MDGA1: variants seen among roughly 807,000 people sequenced by gnomAD.
MDGA1 encodes MAM domain containing glycosylphosphatidylinositol anchor 1.
A neutral mutation model predicts 101.5 loss-of-function variants in MDGA1; 54 were observed. The observed-to-expected ratio is 0.53, with a 90% confidence interval of 0.43 to 0.67. The LOEUF (loss-of-function observed/expected upper bound fraction) is 0.67. Ranked by LOEUF, MDGA1 falls within the 30% of genes least tolerant of loss-of-function variation. MDGA1 has a pLI of 0.00. For synonymous variants in MDGA1, 533 were observed against 558.3 expected, an observed-to-expected ratio of 0.95 and a Z score of 0.64; for missense variants, 1,083 against 1,323.8, an observed-to-expected ratio of 0.82 and a Z score of 2.82.
chr6:37,671,000 T>C (rs190313058), intron 1 of MDGA1, among the ~76,000 whole-genome samples: 19 of 152,276 alleles, frequency 1.2e-4, no homozygotes, highest in Admixed American at 1.2e-3. Flanking sequence ...GACACCATAT[T>C]AGTGGATAGA....
chr6:37,657,663 C>G (rs1408385955), intron 3 of MDGA1, among the ~76,000 whole-genome samples: 5 of 152,204 alleles, frequency 3.3e-5, no homozygotes, highest in Non-Finnish European at 4.4e-5. Context: ...CCTGGGCCAA[C>G]AGTTTCTGGG....
Position 37,636,604 on chromosome 6 carries a change from G to C in MDGA1, c.*764C>G, listed in dbSNP as rs890248970. On this transcript the variant is annotated 3_prime_UTR_variant, in exon 17 of 17. Transcript: ENST00000434837. ...CAGGAGTCCCACTGCTTGTAGGGTG[G>C]AGTGGGGAAGTTATCAGTCTTCAGA... 4.6e-5 allele frequency: 7 copies of C among 152,564 alleles called. No homozygotes were observed. The highest frequency in any genetic ancestry group is 1.4e-4 in the African/African-American group (6 of 41,446). 9.5% of individuals were successfully genotyped at this position (152,564 alleles called of 1,614,324 possible).
At chr6:37,665,100 T>C (rs1581609743) in intron 1 of MDGA1, among the ~76,000 whole-genome samples, 1 of 152,122 alleles carries the variant, frequency 6.6e-6, no homozygotes, top group Non-Finnish European at 1.5e-5. Flanking sequence ...GGACCAAAGC[T>C]AGGCCCTGGC....
At chr6:37,695,858 G>A (rs1307666598) in intron 1 of MDGA1, among the ~76,000 whole-genome samples, 1 of 152,226 alleles carries the variant, frequency 6.6e-6, no homozygotes, top group South Asian at 2.1e-4. Context: ...TTGTGCTGTG[G>A]GGTTAAGGCA....
intron 14 of MDGA1, among the ~76,000 whole-genome samples, chr6:37,640,998 T>C (rs1373691584): frequency 6.6e-6 from 1 of 152,138 alleles, no homozygotes; most frequent in Non-Finnish European, 1.5e-5. Context: ...CGAAGGTGCC[T>C]CCACATGCCG....
chr6:37,654,890 C>T lies in MDGA1; in HGVS notation c.622G>A (p.Asp208Asn). ...ACCTGGCAGGTGTAGCTGGCATAGT[C>T]CTGGGGCCGCAGGTTCTTCAGCTTC... The part of the protein sequence containing the change: ...VLKLKNLRPQ[D>N]YASYTCQVSV... Residue 208 changes from aspartate to asparagine, a missense_variant, in exon 5 of 17, where the codon GAC becomes AAC. Transcript: ENST00000434837. 6.2e-7 allele frequency: 1 copy of T among 1,613,712 alleles called. No homozygotes were observed. The highest frequency in any genetic ancestry group is 8.5e-7 in the Non-Finnish European group (1 of 1,179,816).
At chr6:37,692,313 G>A (rs1417464592) in intron 1 of MDGA1, among the ~76,000 whole-genome samples, 1 of 152,134 alleles carries the variant, frequency 6.6e-6, no homozygotes, top group African/African-American at 2.4e-5. Context: ...AGGTGAGGCA[G>A]GGCTCTTCCA....
At chr6:37,695,107 T>C (rs953555752) in intron 1 of MDGA1, among the ~76,000 whole-genome samples, 1 of 151,566 alleles carries the variant, frequency 6.6e-6, no homozygotes, top group African/African-American at 2.4e-5. Context: ...TGACCAGGAG[T>C]GGGTCTTGCC....
intron 1 of MDGA1, among the ~76,000 whole-genome samples, chr6:37,682,789 G>A (rs1258547054): frequency 1.3e-5 from 2 of 152,110 alleles, no homozygotes; most frequent in Non-Finnish European, 2.9e-5. Context: ...AATAAATACT[G>A]AATTAGTTAA....
At position 37,684,058 on chromosome 6, in the gene MDGA1, T is replaced by C. The variant is rs146980574; in HGVS notation, c.67+12687A>G. Reference sequence around the variant, plus strand: ...CCACTCCCCTGGAAACTTCCTTGCCTGAATCTCATGGCTCAAGATCCAGCT... The same window carrying C: ...CCACTCCCCTGGAAACTTCCTTGCCCGAATCTCATGGCTCAAGATCCAGCT... On this transcript the variant is annotated intron_variant, in intron 1 of 16. Transcript: ENST00000434837. 5.3e-3 allele frequency among the ~76,000 whole-genome samples: 815 copies of C among 152,348 alleles called. 30 individuals are homozygous for C. The highest frequency in any genetic ancestry group is 0.048 in the Admixed American group (732 of 15,300).
At chr6:37,669,631 G>A (rs1761828400) in intron 1 of MDGA1, among the ~76,000 whole-genome samples, 1 of 152,160 alleles carries the variant, frequency 6.6e-6, no homozygotes, top group Non-Finnish European at 1.5e-5. Flanking sequence ...GAACCCCAAA[G>A]GGTCCCTGCC....
chr6:37,662,881 C>CT (rs1176142656), intron 2 of MDGA1, among the ~76,000 whole-genome samples: 1 of 152,126 alleles, frequency 6.6e-6, no homozygotes, highest in African/African-American at 2.4e-5. Flanking sequence ...GCCTCACTGG[C>CT]TTTTAGGGAG....
chr6:37,686,029 C>T (rs897780876), intron 1 of MDGA1, among the ~76,000 whole-genome samples: 3 of 152,170 alleles, frequency 2.0e-5, no homozygotes, highest in Admixed American at 2.0e-4. Flanking sequence ...ATCACCCACC[C>T]AATACCCACT....
At chr6:37,667,886 G>A (rs972275246) in intron 1 of MDGA1, among the ~76,000 whole-genome samples, 3 of 152,184 alleles carry the variant, frequency 2.0e-5, no homozygotes, top group Non-Finnish European at 2.9e-5. Flanking sequence ...CAGGGCCTCT[G>A]GTCACCTGAC....
At chr6:37,664,127 A>T (rs781675004) in intron 1 of MDGA1, 21 bp from the exon 2 acceptor site, 11 of 1,613,456 alleles carry the variant, frequency 6.8e-6, no homozygotes, top group Non-Finnish European at 8.5e-6. Context: ...AGGATGGAGG[A>T]GGAGGTTTAG....
Position 37,654,815 on chromosome 6 carries a change from G to C in MDGA1, c.697C>G (p.Leu233Val). The change falls in exon 5 of 17, where the codon CTC becomes GTC. Residue 233 changes from leucine to valine, a missense_variant. Coordinates refer to ENST00000434837, the MANE Select transcript of MDGA1 (RefSeq NM_153487.4). ...GIPDKAITFR[L>V]TNTTAPPALK... ...ATGCCTGTACCCGTGGTGTTGGTGA[G>C]CCGGAAGGTGATGGCCTTGTCTGGG... 6.2e-7 allele frequency: 1 copy of C among 1,613,832 alleles called. No homozygotes were observed. Among genetic ancestry groups the C allele is most frequent in the South Asian group, 1.1e-5 (1 of 91,080 alleles).
rs1561847831 is a variant in MDGA1, at chr6:37,655,710, A to G, written c.569T>C (p.Leu190Pro). The change falls in exon 4 of 17, where the codon CTC becomes CCC. Residue 190 changes from leucine (L) to proline (P), a missense_variant. Transcript: ENST00000434837. This position sits in a 1 kb window ranked among gnomAD's most constrained non-coding sequence, Gnocchi z 5.1. ...QDNGVDIYEP[L>P]YTQGETKVLK... ...GCTGCCCATCCTGACCTGAGTGTAG[A>G]GGGGCTCATAGATGTCAACCCCATT... is the stretch of plus-strand genomic sequence containing the variant. 6.2e-7 allele frequency: 1 copy of G among 1,610,142 alleles called. No individual in the cohort carries two copies. The highest frequency in any genetic ancestry group is 1.7e-5 in the Admixed American group (1 of 59,698).
intron 14 of MDGA1, among the ~76,000 whole-genome samples, chr6:37,640,336 G>C (rs1367614799): frequency 2.0e-5 from 3 of 152,018 alleles, no homozygotes. Context: ...AGATACGGAG[G>C]AGTGTAGTGA....
At position 37,635,680 on chromosome 6, in the gene MDGA1, C is replaced by G; in HGVS notation, c.*1688G>C. 1 of 398,710 alleles carries G rather than the reference C, an allele frequency of 2.5e-6. No individual in the cohort carries two copies. Among genetic ancestry groups the G allele is most frequent in the Non-Finnish European group, 4.4e-6 (1 of 226,106 alleles). 24.7% of individuals were successfully genotyped at this position (398,710 alleles called of 1,614,324 possible). ...CAGGCCTCTTCTCTGCAGCTGTCCC[C>G]ACCAAATGCTCCAGAAGGAGCCCTG... On this transcript the variant is annotated 3_prime_UTR_variant, in exon 17 of 17. Coordinates refer to ENST00000434837, the MANE Select transcript of MDGA1 (RefSeq NM_153487.4).
Sources: allele counts gnomAD v4.1 joint callset (sites outside exome capture counted in the v4.1 genomes callset), GRCh38; gene constraint gnomAD v4.1.1; non-coding constraint Gnocchi (gnomAD v3.1); transcripts MANE v1.5; gene names NCBI Gene and HGNC (gene_info 2026-07-23, HGNC 2026-07-21).